Variants in PDCD11 observed in about 807,000 individuals in gnomAD.
PDCD11 encodes protein RRP5 homolog.
In PDCD11, 97 loss-of-function variants were observed where a neutral mutation model predicts 198.9. That is an observed-to-expected ratio of 0.49 (90% CI 0.41 to 0.58). The LOEUF (loss-of-function observed/expected upper bound fraction) is 0.58. PDCD11 is among the 20% of genes least tolerant of loss of function. PDCD11 has a pLI of 0.00. For synonymous variants in PDCD11, 893 were observed against 918.0 expected (o/e 0.97, Z 0.49); for missense variants, 2,102 against 2,312.7 (o/e 0.91, Z 1.87).
chr10:103,398,254 A>G (rs141001763), intron 1 of PDCD11, among the ~76,000 whole-genome samples, 162 bp from the exon 2 acceptor site: 1 of 152,330 alleles, frequency 6.6e-6, no homozygotes, highest in African/African-American at 2.4e-5. Context: ...GGAAAGATGA[A>G]GTATGGATTA....
Position 103,425,100 on chromosome 10 carries a change from C to T in PDCD11, c.2880C>T (p.Asn960=), listed in dbSNP as rs142048126. 125 of 1,614,246 alleles carry T rather than the reference C, an allele frequency of 7.7e-5. No homozygotes were observed. The highest frequency in any genetic ancestry group is 1.5e-4 in the African/African-American group (11 of 75,064). Residue 960 remains asparagine, a synonymous_variant, in exon 20 of 36, where the codon AAC becomes AAT. Transcript: ENST00000369797. ...CTTTCTCCCTGACCTCTCACCTCAA[C>T]GACACCTTCCGCTTTGACTCAGAGA... is the stretch of plus-strand genomic sequence containing the variant. The part of the protein sequence containing the change: ...LAAFSLTSHL[N]DTFRFDSEKL...
chr10:103,398,566 CT>C (rs764958490), intron 2 of PDCD11, 38 bp downstream of exon 2: 10 of 1,304,644 alleles, frequency 7.7e-6, no homozygotes, highest in Admixed American at 1.7e-5. Flanking sequence ...TCACTGGAAA[CT>C]TTTACTGTAG....
intron 20 of PDCD11, among the ~76,000 whole-genome samples, chr10:103,426,265 T>C (rs2031689772): frequency 6.6e-6 from 1 of 152,176 alleles, no homozygotes; most frequent in South Asian, 2.1e-4. Context: ...CCTCATTTAC[T>C]TTAAATCTAG....
chr10:103,442,664 C>T (rs1394674423), intron 32 of PDCD11, among the ~76,000 whole-genome samples: 1 of 152,182 alleles, frequency 6.6e-6, no homozygotes, highest in African/African-American at 2.4e-5. Flanking sequence ...GTCTTCTTCC[C>T]TGAAACTGCT....
In PDCD11 at chr10:103,417,942, C is replaced by G; in HGVS notation, c.1911+10C>G. 2 of 1,613,680 alleles carry G rather than the reference C, an allele frequency of 1.2e-6. No homozygotes were observed. The highest frequency in any genetic ancestry group is 1.7e-6 in the Non-Finnish European group (2 of 1,179,886). ...CATTAACATTGGGCAGGTACGTGGA[C>G]TTCTCTGGACAAGCTATTTTATGTT... On this transcript the variant is annotated intron_variant, in intron 14 of 35. Transcript: ENST00000369797.
intron 17 of PDCD11, among the ~76,000 whole-genome samples, chr10:103,421,819 T>C (rs1204465415): frequency 6.9e-6 from 1 of 145,856 alleles, no homozygotes; most frequent in Non-Finnish European, 1.5e-5. Context: ...AAAAAAAAAT[T>C]AGCCGGGCGC....
intron 8 of PDCD11, among the ~76,000 whole-genome samples, chr10:103,411,729 C>G (rs2030819225): frequency 6.6e-6 from 1 of 152,112 alleles, no homozygotes; most frequent in African/African-American, 2.4e-5. Context: ...TTTCTACTAC[C>G]TAGTGGTAAT....
chr10:103,412,940 A>G (rs2030888542), intron 8 of PDCD11, among the ~76,000 whole-genome samples, 176 bp from the exon 9 acceptor site: 3 of 152,180 alleles, frequency 2.0e-5, no homozygotes, highest in African/African-American at 7.2e-5. Flanking sequence ...CCTATGGGAC[A>G]TTTTGATTTT....
At chr10:103,437,373 G>C (rs1424042155) in intron 25 of PDCD11, among the ~76,000 whole-genome samples, 1 of 152,174 alleles carries the variant, frequency 6.6e-6, no homozygotes, top group Admixed American at 6.5e-5. Flanking sequence ...TGAGCTCCTG[G>C]CTTCTAGCAG....
intron 28 of PDCD11, 100 bp from the exon 29 acceptor site, chr10:103,440,190 C>A: frequency 6.7e-7 from 1 of 1,502,520 alleles, no homozygotes. Flanking sequence ...GGGGGCAGGG[C>A]CCAGAATCGT....
At chr10:103,430,949 C>T (rs750434163) in intron 21 of PDCD11, among the ~76,000 whole-genome samples, 10 of 152,098 alleles carry the variant, frequency 6.6e-5, no homozygotes, top group Non-Finnish European at 8.8e-5. Flanking sequence ...CAAGCGCCCA[C>T]GACCACGCCC....
Position 103,443,893 on chromosome 10 carries a change from C to T in PDCD11, c.5125-22C>T, listed in dbSNP as rs373823096. 1.1e-4 allele frequency: 181 copies of T among 1,612,032 alleles called. No individual in the cohort carries two copies. In the South Asian group the frequency reaches 1.4e-3, roughly 12 times the overall value. On this transcript the variant is annotated intron_variant, in intron 33 of 35. Coordinates refer to ENST00000369797, the MANE Select transcript of PDCD11 (RefSeq NM_014976.2). Reference sequence around the variant, plus strand: ...CTCTGTAGTATCACACTCTCCTCAGCGTGCCTCGTCTTTTCCCACAGGAAG... The same window carrying T: ...CTCTGTAGTATCACACTCTCCTCAGTGTGCCTCGTCTTTTCCCACAGGAAG...
intron 21 of PDCD11, among the ~76,000 whole-genome samples, chr10:103,431,794 GA>G (rs1370165291): frequency 6.6e-6 from 1 of 152,180 alleles, no homozygotes; most frequent in Non-Finnish European, 1.5e-5. Context: ...CAAATTCAGT[GA>G]GAGATAATTT....
At chr10:103,407,138 C>T (rs1032245951) in intron 7 of PDCD11, among the ~76,000 whole-genome samples, 1 of 152,192 alleles carries the variant, frequency 6.6e-6, no homozygotes, top group East Asian at 1.9e-4. Context: ...TCCGTCATAA[C>T]CCCCATCTTT....
At chr10:103,434,067 G>A in intron 23 of PDCD11, 30 bp downstream of exon 23, 1 of 1,551,890 alleles carries the variant, frequency 6.4e-7, no homozygotes, top group Non-Finnish European at 8.9e-7. Flanking sequence ...CTGGAGAGGG[G>A]ACCCAAGTTC....
intron 21 of PDCD11, among the ~76,000 whole-genome samples, chr10:103,429,981 GTCTTT>G (rs762209202): frequency 1.1e-4 from 17 of 152,168 alleles, no homozygotes; most frequent in South Asian, 4.1e-4. Flanking sequence ...AGAATGTCCT[GTCTTT>G]TCTTTTCTTT....
At chr10:103,412,275 C>T (rs944897717) in intron 8 of PDCD11, among the ~76,000 whole-genome samples, 1 of 151,352 alleles carries the variant, frequency 6.6e-6, no homozygotes, top group Admixed American at 6.6e-5. Context: ...ATTCTTGTGC[C>T]TCAGCCTCCT....
intron 3 of PDCD11, 133 bp from the exon 4 acceptor site, chr10:103,402,985 T>G (rs937047962): frequency 3.1e-5 from 25 of 816,842 alleles, no homozygotes; most frequent in Non-Finnish European, 4.9e-5. Flanking sequence ...CCACCCAAAG[T>G]ATTGGAATTA....
intron 19 of PDCD11, among the ~76,000 whole-genome samples, chr10:103,423,918 G>A (rs1182059563): frequency 1.3e-5 from 2 of 152,204 alleles, no homozygotes; most frequent in East Asian, 3.8e-4. Flanking sequence ...GGAGCTGGCT[G>A]TGTGGGTAGG....
Sources: gnomAD v4.1 joint callset for allele counts (sites outside exome capture counted in the v4.1 genomes callset) on GRCh38, gnomAD v4.1.1 for gene constraint, MANE v1.5 for transcripts, NCBI Gene and HGNC (gene_info 2026-07-23, HGNC 2026-07-21) for gene names.